The following ACAD11 variants were observed in gnomAD, a reference collection of about 807,000 sequenced individuals.
ACAD11 encodes the protein acyl-Coenzyme A dehydrogenase family, member 11.
In ACAD11, 83 loss-of-function variants were observed where a neutral mutation model predicts 102.2. The observed-to-expected ratio is 0.81, with a 90% CI of 0.68 to 0.97. The LOEUF (loss-of-function observed/expected upper bound fraction) is 0.97, where lower values mean the gene tolerates loss of function less well. Ranked by LOEUF, ACAD11 falls within the 50% of genes least tolerant of loss-of-function variation. The pLI is 0.00. For synonymous variants in ACAD11, 324 were observed against 319.8 expected (o/e 1.01, Z -0.14); for missense variants, 901 against 951.7 (o/e 0.95, Z 0.70).
intron 5 of ACAD11, among the ~76,000 whole-genome samples, chr3:132,631,818 A>G (rs925666981): frequency 6.6e-6 from 1 of 152,220 alleles, no homozygotes; most frequent in African/African-American, 2.4e-5. Flanking sequence ...TATTTTAATA[A>G]TCCATGTTAT....
At chr3:132,581,025 A>G (rs1246923200) in intron 13 of ACAD11, among the ~76,000 whole-genome samples, 2 of 152,024 alleles carry the variant, frequency 1.3e-5, no homozygotes, top group Non-Finnish European at 2.9e-5. Context: ...CTAGAACTGA[A>G]GAAAAACATC....
At chr3:132,648,279 A>G (rs1940791507) in intron 1 of ACAD11, among the ~76,000 whole-genome samples, 1 of 152,292 alleles carries the variant, frequency 6.6e-6, no homozygotes, top group South Asian at 2.1e-4. Context: ...GTTCAGATGC[A>G]GTTTACTAAT....
At position 132,561,133 on chromosome 3, in the gene ACAD11, C is replaced by A. The variant is rs767476865; in HGVS notation, c.2086G>T (p.Asp696Tyr). ...TTAGCGCCAGCACTGCCCAGAGTGT[C>A]CATGCTGTGAGCAGCTTTCAGAGTC... ...LLTLKAAHSM[D>Y]TLGSAGAKKE... Residue 696 changes from aspartate (D) to tyrosine (Y), a missense_variant, in exon 18 of 20, where the codon GAC becomes TAC. Coordinates refer to ENST00000264990, the MANE Select transcript of ACAD11 (RefSeq NM_032169.5). 6.2e-6 allele frequency: 10 copies of A among 1,613,366 alleles called. No homozygotes were observed. The African/African-American group carries it at 1.2e-4, about 19-fold the overall frequency.
chr3:132,598,275 CA>C (rs1271794684), intron 13 of ACAD11, among the ~76,000 whole-genome samples: 1 of 152,128 alleles, frequency 6.6e-6, no homozygotes, highest in Non-Finnish European at 1.5e-5. Context: ...GAATTCTGTG[CA>C]AGCTTATCTT....
chr3:132,587,542 A>G (rs976442072), intron 13 of ACAD11, among the ~76,000 whole-genome samples: 1 of 152,168 alleles, frequency 6.6e-6, no homozygotes, highest in Non-Finnish European at 1.5e-5. Flanking sequence ...CACATTTATA[A>G]TAGCTGCCTT....
chr3:132,575,212 C>T (rs1937504791), intron 17 of ACAD11, among the ~76,000 whole-genome samples: 1 of 152,102 alleles, frequency 6.6e-6, no homozygotes, highest in Non-Finnish European at 1.5e-5. Flanking sequence ...TAACAACAGA[C>T]TCAGTAGTAT....
intron 19 of ACAD11, 22 bp from the exon 20 acceptor site, chr3:132,559,107 G>A (rs1936971068): frequency 3.3e-6 from 5 of 1,517,628 alleles, no homozygotes; most frequent in African/African-American, 1.4e-5. Flanking sequence ...AAAGAATCAG[G>A]GAACACAGGG....
chr3:132,562,956 C>T (rs943390449), intron 17 of ACAD11, among the ~76,000 whole-genome samples: 8 of 152,108 alleles, frequency 5.3e-5, no homozygotes, highest in Non-Finnish European at 1.2e-4. Flanking sequence ...TACAGCTTTA[C>T]CTTTTACATT....
intron 4 of ACAD11, among the ~76,000 whole-genome samples, chr3:132,641,597 GAAGAA>G (rs1940509583): frequency 1.5e-5 from 2 of 133,996 alleles, no homozygotes; most frequent in African/African-American, 2.8e-5. Flanking sequence ...AGAAGAAGAA[GAAGAA>G]GAGGAGGAAG....
Position 132,628,393 on chromosome 3 carries a change from TAAA to T in ACAD11, c.1014_1016del (p.Phe338del). 6.2e-7 allele frequency: 1 copy of T among 1,613,252 alleles called. No homozygotes were observed. The highest frequency in any genetic ancestry group is 8.5e-7 in the Non-Finnish European group (1 of 1,179,650). The stretch of plus-strand genomic sequence containing the variant: ...CCAGAGGTTGCACAATATTGGCAAA[TAAA>T]AAGCTATCCTCAGATGAATTATTTC... On this transcript the variant is annotated inframe_deletion, in exon 8 of 20. Transcript: ENST00000264990.
chr3:132,642,170 A>G, intron 3 of ACAD11, 37 bp from the exon 4 acceptor site: 2 of 1,559,622 alleles, frequency 1.3e-6, no homozygotes, highest in Non-Finnish European at 1.8e-6. Context: ...TTAAATGTGT[A>G]TAATCAATAC....
intron 13 of ACAD11, among the ~76,000 whole-genome samples, chr3:132,583,982 T>C (rs112916650): frequency 0.04 from 6,151 of 152,238 alleles, 390 homozygotes; most frequent in African/African-American, 0.14. Flanking sequence ...CTTCCAACTA[T>C]GTGGTCAATT....
intron 11 of ACAD11, among the ~76,000 whole-genome samples, chr3:132,617,312 G>A (rs1479678386): frequency 6.6e-6 from 1 of 152,112 alleles, no homozygotes; most frequent in East Asian, 1.9e-4. Context: ...TCCTTAGGTG[G>A]TTCTTCTGCA....
chr3:132,639,719 T>TAA (rs1217544586), intron 4 of ACAD11, 63 bp from the exon 5 acceptor site: 2 of 1,478,038 alleles, frequency 1.4e-6, no homozygotes, highest in African/African-American at 2.9e-5. Flanking sequence ...CTAGCAATTC[T>TAA]AAAATTAAAA....
In ACAD11 at chr3:132,632,669, A is replaced by T. The variant is rs901246778; in HGVS notation, c.703-1190T>A. Among the ~76,000 whole-genome samples, 9 of 152,186 alleles carry T rather than the reference A, an allele frequency of 5.9e-5. No homozygotes were observed. In the South Asian group the frequency reaches 6.2e-4, roughly 10 times the overall value. ...ATTGAATCTATAAATTACCTTGGGC[A>T]GTATGGCCATTTTCACAATATTGAT... On this transcript the variant is annotated intron_variant, in intron 5 of 19. Transcript: ENST00000264990.
chr3:132,569,330 A>G (rs564786520), intron 17 of ACAD11, among the ~76,000 whole-genome samples: 1 of 152,150 alleles, frequency 6.6e-6, no homozygotes, highest in Admixed American at 6.5e-5. Context: ...AGTAGTGACA[A>G]CACCATATGC....
At chr3:132,572,586 G>A (rs533020049) in intron 17 of ACAD11, among the ~76,000 whole-genome samples, 174 of 152,270 alleles carry the variant, frequency 1.1e-3, no homozygotes, top group Non-Finnish European at 1.8e-3. Flanking sequence ...AAATAGCCAA[G>A]GCACTCCTAA....
intron 1 of ACAD11, among the ~76,000 whole-genome samples, chr3:132,646,254 G>A (rs143487707): frequency 1.1e-3 from 166 of 151,056 alleles, no homozygotes; most frequent in African/African-American, 3.6e-3. Flanking sequence ...GTGAGCCACC[G>A]CGTCTGGCAA....
chr3:132,600,718 A>C, intron 13 of ACAD11: 1 of 1,613,948 alleles, frequency 6.2e-7, no homozygotes, highest in Non-Finnish European at 8.5e-7. Flanking sequence ...GGTGGGTTTT[A>C]GGGAAAATAA....
Sources: allele counts gnomAD v4.1 joint callset (sites outside exome capture counted in the v4.1 genomes callset), GRCh38; gene constraint gnomAD v4.1.1; transcripts MANE v1.5; gene names NCBI Gene and HGNC (gene_info 2026-07-23, HGNC 2026-07-21).